Variants in LPIN2 observed in about 807,000 individuals in gnomAD.
The protein encoded by LPIN2 is phosphatidate phosphatase LPIN2.
Under a neutral mutation model 111.4 loss-of-function variants are expected in LPIN2, and 55 were observed. That is an observed-to-expected ratio of 0.49 (90% CI 0.40 to 0.62). The LOEUF is 0.62. LPIN2 is among the 20% of genes least tolerant of loss of function. The probability of loss-of-function intolerance (pLI) is 0.00; values close to 1 mark genes in which losing one functional copy is unlikely to be tolerated. For missense variants in LPIN2, 992 were observed against 1,112.1 expected (o/e 0.89, Z 1.54); for synonymous variants, 425 against 414.0 (o/e 1.03, Z -0.32).
intron 12 of LPIN2, 140 bp from the exon 13 acceptor site, chr18:2,926,945 T>C (rs556228470): frequency 2.8e-6 from 2 of 722,972 alleles, no homozygotes; most frequent in South Asian, 3.0e-5. Flanking sequence ...AGACTTTCTC[T>C]ATTCTGAGCC....
At chr18:2,931,137 T>C (rs1331562111) in intron 9 of LPIN2, 119 bp downstream of exon 9, 1 of 1,180,362 alleles carries the variant, frequency 8.5e-7, no homozygotes, top group African/African-American at 1.5e-5. Flanking sequence ...ACATACCTGT[T>C]ACCTGCACAA....
Position 2,939,806 on chromosome 18 carries a change from G to A in LPIN2, c.699-203C>T, listed in dbSNP as rs2077344077. Among the ~76,000 whole-genome samples the A allele has an allele frequency of 3.3e-5, 5 of 152,262 alleles. No individual in the cohort carries two copies. In the South Asian group the frequency reaches 1.0e-3, roughly 32 times the overall value. On this transcript the variant is annotated intron_variant, in intron 5 of 19. Transcript: ENST00000677752. ...AAAAATGACACCAACTAGTATTTAA[G>A]AGGACTTACCAGGTCCTTTGTAAAC...
At chr18:2,945,448 T>C (rs538304190) in intron 4 of LPIN2, 27 of 673,202 alleles carry the variant, frequency 4.0e-5, no homozygotes, top group Non-Finnish European at 6.5e-5. Flanking sequence ...CCACATTCAG[T>C]AACACAACAA....
intron 1 of LPIN2, among the ~76,000 whole-genome samples, chr18:2,992,086 A>G (rs958550249): frequency 6.6e-6 from 1 of 152,220 alleles, no homozygotes; most frequent in Admixed American, 6.5e-5. Flanking sequence ...TCCCAGGTAC[A>G]TACACAAAAG....
chr18:2,974,333 C>T (rs1444111335), intron 1 of LPIN2, among the ~76,000 whole-genome samples: 1 of 152,238 alleles, frequency 6.6e-6, no homozygotes, highest in East Asian at 1.9e-4. Context: ...CCGCCTCAGA[C>T]TCCCAAAGTG....
At chr18:2,937,027 CTCTAT>C (rs768557497) in intron 7 of LPIN2, among the ~76,000 whole-genome samples, 21 of 152,130 alleles carry the variant, frequency 1.4e-4, no homozygotes, top group Non-Finnish European at 2.6e-4. Context: ...AACATTTTTT[CTCTAT>C]TCTAATTTTT....
chr18:2,986,471 T>G (rs2078187011), intron 1 of LPIN2, among the ~76,000 whole-genome samples: 1 of 150,840 alleles, frequency 6.6e-6, no homozygotes, highest in Non-Finnish European at 1.5e-5. Context: ...AAAGATAAAC[T>G]TCTTTGAAGA....
Position 3,009,395 on chromosome 18 carries a change from T to C in LPIN2, c.-10+3692A>G, listed in dbSNP as rs1201764331. On this transcript the variant is annotated intron_variant, in intron 1 of 19. Coordinates refer to ENST00000677752, the MANE Select transcript of LPIN2 (RefSeq NM_001375808.2). ...GCCTGGGTTACAAACAAAAAAACAC[T>C]AGTAAAATTCTAAATTCAAAGATTA... Among the ~76,000 whole-genome samples, 4 of 151,614 alleles carry C rather than the reference T, an allele frequency of 2.6e-5. No homozygotes were observed. In the East Asian group the frequency reaches 5.9e-4, roughly 22 times the overall value.
intron 4 of LPIN2, chr18:2,945,452 A>G (rs2077436336): frequency 2.9e-6 from 2 of 690,024 alleles, no homozygotes; most frequent in African/African-American, 3.6e-5. Context: ...ATTCAGTAAC[A>G]CAACAACAAA....
At chr18:2,961,815 T>A (rs573254342) in intron 1 of LPIN2, among the ~76,000 whole-genome samples, 29 of 152,288 alleles carry the variant, frequency 1.9e-4, no homozygotes, top group African/African-American at 5.5e-4. Flanking sequence ...TTCTGGGGAC[T>A]GGAATGACAG....
chr18:2,940,709 T>C lies in LPIN2; in HGVS notation c.594A>G (p.Gly198=), dbSNP rs776327670. 3.8e-6 allele frequency: 6 copies of C among 1,599,660 alleles called. No homozygotes were observed. Among genetic ancestry groups the C allele is most frequent in the East Asian group, 4.5e-5 (2 of 44,744 alleles). Residue 198 remains glycine (G), a synonymous_variant, in exon 5 of 20, where the codon GGA becomes GGG. Transcript: ENST00000677752. ...CTTCTTTCAAGGAAGCATTTGAAGATCCTCTGTGAAGGAGAAACCAAAGAA... is the reference window on the plus strand; with the variant it reads ...CTTCTTTCAAGGAAGCATTTGAAGACCCTCTGTGAAGGAGAAACCAAAGAA... ...DDDKGAQAAR[G]SSNASLKEEE...
In LPIN2 at chr18:2,951,266, C is replaced by T. The variant is rs2077532515; in HGVS notation, c.379G>A (p.Gly127Arg). ...GAACTCTGAGATGGTGTTTCATCTC[C>T]ACCCGATTTCACCAAAGGGGTGTCA... is the stretch of plus-strand genomic sequence containing the variant. ...DIDTPLVKSG[G>R]DETPSQSSDI... is the part of the protein sequence containing the mutation. The change falls in exon 4 of 20, where the codon GGA (glycine) becomes AGA (arginine). Residue 127 changes from glycine (G) to arginine (R), a missense_variant. Physicochemically the swap from Gly to Arg is moderately radical, Grantham distance 125. Around this residue, in one of 4 missense-constraint regions of LPIN2, gnomAD observed 709 missense variants for 753.2 expected, o/e 0.94. Transcript: ENST00000677752. 6.2e-7 allele frequency: 1 copy of T among 1,613,798 alleles called. No individual in the cohort carries two copies. Among genetic ancestry groups the T allele is most frequent in the African/African-American group, 1.3e-5 (1 of 74,872 alleles).
intron 1 of LPIN2, among the ~76,000 whole-genome samples, chr18:3,011,239 T>C (rs2078597254): frequency 6.6e-6 from 1 of 152,168 alleles, no homozygotes. Flanking sequence ...TTTACTATAG[T>C]ATTAAAGGGT....
chr18:2,974,245 T>C (rs1325771406), intron 1 of LPIN2, among the ~76,000 whole-genome samples: 1 of 152,024 alleles, frequency 6.6e-6, no homozygotes, highest in Non-Finnish European at 1.5e-5. Context: ...CCCAGCTAAT[T>C]TTTTTGTATT....
Position 2,937,896 on chromosome 18 carries a change from A to G in LPIN2, c.964T>C (p.Cys322Arg). Residue 322 changes from cysteine (C) to arginine (R), a missense_variant, in exon 7 of 20, where the codon TGT becomes CGT. Physicochemically the swap from Cys to Arg is radical, Grantham distance 180 (BLOSUM62 -3). Transcript: ENST00000677752. ...CTGGGTTTGGGCTTCACTATGGTAC[A>G]GACAGTGTCTTCCATGGAAGCATCC... ...EKDASMEDTV[C>R]TIVKPKPRAL... The G allele has an allele frequency of 1.2e-6, 2 of 1,614,170 alleles. No homozygotes were observed. The highest frequency in any genetic ancestry group is 1.7e-6 in the Non-Finnish European group (2 of 1,180,034).
intron 4 of LPIN2, among the ~76,000 whole-genome samples, chr18:2,943,817 C>CT (rs1443679845): frequency 1.3e-5 from 2 of 152,116 alleles, no homozygotes; most frequent in Non-Finnish European, 2.9e-5. Context: ...GTTGCCAGAT[C>CT]TTTTTGTTTT....
At chr18:3,008,002 T>C (rs950330253) in intron 1 of LPIN2, among the ~76,000 whole-genome samples, 19 of 152,210 alleles carry the variant, frequency 1.2e-4, no homozygotes, top group Non-Finnish European at 2.2e-4. Flanking sequence ...ATGAGGACGA[T>C]CTTGGTCAGC....
chr18:3,012,221 A>C (rs1567871410), intron 1 of LPIN2, among the ~76,000 whole-genome samples: 1 of 152,216 alleles, frequency 6.6e-6, no homozygotes, highest in Non-Finnish European at 1.5e-5. Flanking sequence ...TGTGCATTAA[A>C]AATTAGTTTG....
chr18:3,009,004 C>T (rs867727720), intron 1 of LPIN2, among the ~76,000 whole-genome samples: 24 of 151,770 alleles, frequency 1.6e-4, no homozygotes, highest in Non-Finnish European at 2.1e-4. Flanking sequence ...CGGTGGCTCA[C>T]GCCTGTAATC....
Sources: allele counts gnomAD v4.1 joint callset (sites outside exome capture counted in the v4.1 genomes callset), GRCh38; gene constraint gnomAD v4.1.1; regional missense constraint gnomAD v4.1.1; transcripts MANE v1.5; gene names NCBI Gene and HGNC (gene_info 2026-07-23, HGNC 2026-07-21).